The following CCN6 variants were observed in gnomAD, a reference collection of about 807,000 sequenced individuals.
CCN6 encodes the protein CCN family member 6.
A neutral mutation model predicts 37.4 loss-of-function variants in CCN6; 31 were observed. The observed-to-expected ratio is 0.83, with a 90% CI of 0.62 to 1.12. CCN6 has a LOEUF of 1.12. Among genes scored for constraint, CCN6 ranks in the 50% most tolerant of loss-of-function variants. The pLI, the probability that CCN6 is intolerant of heterozygous loss-of-function variation, is 0.00. For synonymous variants in CCN6, 137 were observed against 142.1 expected (o/e 0.96, Z 0.26); for missense variants, 369 against 413.8 (o/e 0.89, Z 0.94).
At chr6:112,058,785 A>G (rs2114437593) in intron 1 of CCN6, among the ~76,000 whole-genome samples, 1 of 152,336 alleles carries the variant, frequency 6.6e-6, no homozygotes, top group South Asian at 2.1e-4. Context: ...TGCTGTGCAT[A>G]AGTGCTTGCA....
At chr6:112,066,405 G>A (rs781787859) in intron 3 of CCN6, among the ~76,000 whole-genome samples, 1 of 152,060 alleles carries the variant, frequency 6.6e-6, no homozygotes, top group Non-Finnish European at 1.5e-5. Flanking sequence ...GAAGCCCTTT[G>A]GATCAAGTTC....
rs115106078 is a variant in CCN6, at chr6:112,059,727, A to G, written c.49-1264A>G. ...TATCTGCCTATCACATGGTATAATC[A>G]CCACTGCACGCTGTTGCTATGAAGT... On this transcript the variant is annotated intron_variant, in intron 1 of 4. Transcript: ENST00000368666. Among the ~76,000 whole-genome samples, 1,137 of 152,302 alleles carry G rather than the reference A, an allele frequency of 7.5e-3. 8 individuals carry two copies. The highest frequency in any genetic ancestry group is 0.026 in the African/African-American group (1,088 of 41,554).
At chr6:112,060,319 C>T (rs1384777876) in intron 1 of CCN6, among the ~76,000 whole-genome samples, 3 of 151,986 alleles carry the variant, frequency 2.0e-5, no homozygotes, top group Non-Finnish European at 2.9e-5. Flanking sequence ...TCCAAGTGAA[C>T]AATGATGACT....
rs1456364513 is a variant in CCN6 at position 112,066,884 on chromosome 6, T to C, written c.590-1321T>C. 7.4e-6 allele frequency: 8 copies of C among 1,083,430 alleles called. No individual in the cohort carries two copies. The Admixed American group carries it at 7.5e-5, about 10-fold the overall frequency. The allele number at this position is 1,083,430 out of a possible 1,614,324, so 67.1% of individuals were successfully genotyped here. Reference sequence around the variant, plus strand: ...TCTAGTTTTCTTGCTTTTTAATGAATGGTAAATTCCTGAACTACAGCTGTC... The same window carrying C: ...TCTAGTTTTCTTGCTTTTTAATGAACGGTAAATTCCTGAACTACAGCTGTC... On this transcript the variant is annotated intron_variant, in intron 3 of 4. Transcript: ENST00000368666.
chr6:112,068,192 C>T lies in CCN6; in HGVS notation c.590-13C>T. 1 of 1,602,092 alleles carries T rather than the reference C, an allele frequency of 6.2e-7. No homozygotes were observed. Among genetic ancestry groups the T allele is most frequent in the South Asian group, 1.1e-5 (1 of 88,738 alleles). The stretch of plus-strand genomic sequence containing the variant: ...TATATGTATACATATGTACTTTTCT[C>T]CCTTTGTTTTAGCTTATAGAAATCT... On this transcript the variant is annotated splice_polypyrimidine_tract_variant and intron_variant, in intron 3 of 4. Coordinates refer to ENST00000368666, the MANE Select transcript of CCN6 (RefSeq NM_198239.2).
chr6:112,060,922 ATCT>A (rs1554312646), intron 1 of CCN6, 66 bp from the exon 2 acceptor site: 24 of 1,586,694 alleles, frequency 1.5e-5, no homozygotes, highest in Middle Eastern at 2.2e-4. Context: ...TTTGGGGGAA[ATCT>A]TCTATTCCTG....
Sources: allele counts gnomAD v4.1 joint callset (sites outside exome capture counted in the v4.1 genomes callset), GRCh38; gene constraint gnomAD v4.1.1; transcripts MANE v1.5; gene names NCBI Gene and HGNC (gene_info 2026-07-23, HGNC 2026-07-21).